SHROOM4: variants seen among roughly 807,000 people sequenced by gnomAD.
The protein encoded by SHROOM4 is protein Shroom4.
A neutral mutation model predicts 80.3 loss-of-function variants in SHROOM4; 17 were observed. The ratio of observed to expected loss-of-function variants is 0.21; its 90% CI spans 0.14 to 0.32. The LOEUF is 0.32. SHROOM4 is among the 10% of genes least tolerant of loss of function. The pLI is 1.00. For missense variants in SHROOM4, 993 were observed against 1,140.3 expected, an observed-to-expected ratio of 0.87 and a Z score of 1.86; for synonymous variants, 400 against 437.5, an observed-to-expected ratio of 0.91 and a Z score of 1.07.
At chrX:50,754,917 T>C (rs1037297061) in intron 1 of SHROOM4, among the ~76,000 whole-genome samples, 5 of 112,261 alleles carry the variant, frequency 4.5e-5, no homozygotes, top group Admixed American at 9.4e-5. Context: ...AGGATTCAAA[T>C]CCTAGCTCTG....
chrX:50,596,681 G>C lies in SHROOM4; in HGVS notation c.*14C>G. The C allele has an allele frequency of 8.3e-7, 1 of 1,208,310 alleles. No individual in the cohort carries two copies. Among genetic ancestry groups the C allele is most frequent in the Non-Finnish European group, 1.1e-6 (1 of 895,401 alleles). On this transcript the variant is annotated 3_prime_UTR_variant, in exon 9 of 9. Transcript: ENST00000376020. The stretch of plus-strand genomic sequence containing the variant: ...ATGGCTGGGCAGGGATGCTGTGGCA[G>C]AGTGCTGGTAGAATTAGAAATTGCT...
intron 1 of SHROOM4, among the ~76,000 whole-genome samples, chrX:50,762,584 T>C (rs1306568679): frequency 1.8e-5 from 2 of 112,236 alleles, no homozygotes; most frequent in Admixed American, 1.9e-4. Flanking sequence ...AAGTCTGACA[T>C]CGACAAATTA....
chrX:50,742,901 T>A (rs1429132574), intron 1 of SHROOM4, among the ~76,000 whole-genome samples: 1 of 112,340 alleles, frequency 8.9e-6, no homozygotes, highest in Non-Finnish European at 1.9e-5. Context: ...CATAAATCAT[T>A]TGGAATTCTT....
chrX:50,775,761 A>G (rs781846468), intron 1 of SHROOM4, among the ~76,000 whole-genome samples: 64 of 112,454 alleles, frequency 5.7e-4, no homozygotes, highest in African/African-American at 2.1e-3. Context: ...GATACTGTTA[A>G]GAGCCAAAGT....
At chrX:50,599,756 C>T (rs1286782187) in intron 7 of SHROOM4, among the ~76,000 whole-genome samples, 2 of 111,632 alleles carry the variant, frequency 1.8e-5, no homozygotes, top group Non-Finnish European at 1.9e-5. Flanking sequence ...GACAGCTCTG[C>T]CCCTCCCCTC....
intron 1 of SHROOM4, among the ~76,000 whole-genome samples, chrX:50,732,499 T>C (rs1934395335): frequency 9.0e-6 from 1 of 111,598 alleles, no homozygotes; most frequent in African/African-American, 3.3e-5. Context: ...AACCAAAAGG[T>C]AGTTCTTTGA....
chrX:50,647,484 A>G (rs1461403664), intron 2 of SHROOM4, among the ~76,000 whole-genome samples: 2 of 111,686 alleles, frequency 1.8e-5, no homozygotes. Flanking sequence ...TTTTGCCATG[A>G]TGCCCAGTTT....
At position 50,588,300 on chromosome X, in the gene SHROOM4, G is replaced by A. The variant is rs898657808; in HGVS notation, c.*8395C>T. On this transcript the variant is annotated 3_prime_UTR_variant, in exon 9 of 9. Coordinates refer to ENST00000376020, the MANE Select transcript of SHROOM4 (RefSeq NM_020717.5). ...GGTAAGGAAAGGAACCATCATCTAC[G>A]GAGAACCTACCATATGAACAGCTCT... Among the ~76,000 whole-genome samples the A allele has an allele frequency of 9.0e-6, 1 of 111,496 alleles. No individual in the cohort carries two copies. The highest frequency in any genetic ancestry group is 3.3e-5 in the African/African-American group (1 of 30,602).
chrX:50,653,774 G>A (rs1370462750), intron 2 of SHROOM4, among the ~76,000 whole-genome samples: 1 of 111,900 alleles, frequency 8.9e-6, no homozygotes, highest in Non-Finnish European at 1.9e-5. Context: ...TTAGCATGAA[G>A]GGTGTTGAGC....
At chrX:50,679,768 T>C (rs781825847) in intron 2 of SHROOM4, among the ~76,000 whole-genome samples, 1 of 112,110 alleles carries the variant, frequency 8.9e-6, no homozygotes, top group Non-Finnish European at 1.9e-5. Flanking sequence ...GTCACCCTAC[T>C]GTGCTATCAG....
chrX:50,722,179 A>G (rs781902057), intron 1 of SHROOM4, among the ~76,000 whole-genome samples: 2 of 110,629 alleles, frequency 1.8e-5, no homozygotes, highest in Non-Finnish European at 3.8e-5. Flanking sequence ...GTAATAGCAG[A>G]GAGGGAGTTA....
At chrX:50,787,185 C>T (rs1557271143) in intron 1 of SHROOM4, among the ~76,000 whole-genome samples, 1 of 107,648 alleles carries the variant, frequency 9.3e-6, no homozygotes, top group Non-Finnish European at 1.9e-5. Context: ...TGCCACTGCA[C>T]ACCAGTTTGG....
chrX:50,604,395 C>T (rs1160553095), intron 6 of SHROOM4, among the ~76,000 whole-genome samples: 1 of 111,942 alleles, frequency 8.9e-6, no homozygotes, highest in African/African-American at 3.3e-5. Context: ...GACAGACCTG[C>T]AATTTGCACC....
intron 1 of SHROOM4, among the ~76,000 whole-genome samples, chrX:50,774,578 C>T (rs1332570272): frequency 1.8e-5 from 2 of 109,419 alleles, no homozygotes; most frequent in African/African-American, 6.7e-5. Flanking sequence ...TTATAATCCT[C>T]ACCCACCAGG....
intron 2 of SHROOM4, among the ~76,000 whole-genome samples, chrX:50,665,179 G>A (rs1356722648): frequency 9.0e-6 from 1 of 110,734 alleles, no homozygotes; most frequent in African/African-American, 3.3e-5. Context: ...ATGTCTTAAC[G>A]TTAGGAGCCA....
Position 50,634,234 on chromosome X carries a change from C to G in SHROOM4, c.1839G>C (p.Leu613=). 1.7e-6 allele frequency: 2 copies of G among 1,211,561 alleles called. No individual in the cohort carries two copies. The highest frequency in any genetic ancestry group is 1.8e-5 in the South Asian group (1 of 56,950). ...LQKSKGPLSQ[L]CDTKEPVEET... ...CTTCCACTGGCTCCTTAGTGTCACA[C>G]AGCTGTGACAAGGGACCCTTGCTTT... is the stretch of plus-strand genomic sequence containing the variant. Residue 613 remains leucine, a synonymous_variant, in exon 4 of 9, where the codon CTG becomes CTC. Transcript: ENST00000376020.
At chrX:50,785,813 T>C (rs1263527371) in intron 1 of SHROOM4, among the ~76,000 whole-genome samples, 1 of 111,561 alleles carries the variant, frequency 9.0e-6, no homozygotes, top group African/African-American at 3.3e-5. Flanking sequence ...GTATATCTTA[T>C]TGTACATCAA....
chrX:50,696,221 G>C (rs1408349406), intron 1 of SHROOM4, among the ~76,000 whole-genome samples: 1 of 111,811 alleles, frequency 8.9e-6, no homozygotes. Flanking sequence ...CTGATGCTTG[G>C]AATGAACCCT....
chrX:50,704,581 A>T (rs1557263801), intron 1 of SHROOM4, among the ~76,000 whole-genome samples: 1 of 111,759 alleles, frequency 8.9e-6, no homozygotes, highest in African/African-American at 3.3e-5. Context: ...TTATGCAAAA[A>T]GCCAAAGACA....
Sources: allele counts gnomAD v4.1 joint callset (sites outside exome capture counted in the v4.1 genomes callset), GRCh38; gene constraint gnomAD v4.1.1; transcripts MANE v1.5; gene names NCBI Gene and HGNC (gene_info 2026-07-23, HGNC 2026-07-21).